DYNC1I1: variants seen among roughly 807,000 people sequenced by gnomAD.
DYNC1I1 encodes the protein dynein cytoplasmic 1 intermediate chain 1, also known as cytoplasmic dynein 1 intermediate chain 1.
A neutral mutation model predicts 86.6 loss-of-function variants in DYNC1I1; 43 were observed. The ratio of observed to expected loss-of-function variants is 0.50; its 90% CI spans 0.39 to 0.64. The LOEUF is 0.64. Ranked by LOEUF, DYNC1I1 falls within the 30% of genes least tolerant of loss-of-function variation. The probability of loss-of-function intolerance (pLI) is 0.00; values close to 1 mark genes in which losing one functional copy is unlikely to be tolerated. For synonymous variants in DYNC1I1, 262 were observed against 283.7 expected (o/e 0.92, Z 0.77); for missense variants, 604 against 788.8 (o/e 0.77, Z 2.81).
chr7:95,939,714 T>C (rs867685041), intron 6 of DYNC1I1, among the ~76,000 whole-genome samples: 5 of 152,168 alleles, frequency 3.3e-5, no homozygotes, highest in Middle Eastern at 3.4e-3. Flanking sequence ...ATGGGTTTCC[T>C]GAATACAGCA....
At chr7:95,932,897 A>G in intron 6 of DYNC1I1, among the ~76,000 whole-genome samples, 1 of 88,652 alleles carries the variant, frequency 1.1e-5, no homozygotes, top group Admixed American at 1.3e-4. Flanking sequence ...TTTTTTTTTG[A>G]GATGACAATG....
At chr7:95,813,129 C>G in intron 3 of DYNC1I1, 118 bp from the exon 4 acceptor site, 1 of 1,518,202 alleles carries the variant, frequency 6.6e-7, no homozygotes, top group Non-Finnish European at 8.9e-7. Context: ...CTCAATGTCT[C>G]CTGGCCATAC....
chr7:95,804,787 C>A lies in DYNC1I1; in HGVS notation c.58C>A (p.Gln20Lys), dbSNP rs1399566810. Residue 20 changes from glutamine to lysine, a missense_variant, in exon 2 of 17, where the codon CAG (glutamine) becomes AAG (lysine). Transcript: ENST00000447467. ...ELERKKQRLA[Q>K]IREEKKRKEE... is the part of the protein sequence containing the mutation. ...AGAGCGCAAAAAGCAGCGCTTAGCA[C>A]AGATAAGAGAAGAGAAGAAACGGAA... is the stretch of plus-strand genomic sequence containing the variant. 1 of 1,586,818 alleles carries A rather than the reference C, an allele frequency of 6.3e-7. No individual in the cohort carries two copies. The highest frequency in any genetic ancestry group is 8.6e-7 in the Non-Finnish European group (1 of 1,165,106).
chr7:95,774,082 G>A (rs1793778587), intron 1 of DYNC1I1, among the ~76,000 whole-genome samples: 1 of 152,156 alleles, frequency 6.6e-6, no homozygotes, highest in East Asian at 1.9e-4. Flanking sequence ...CTGCCACTGA[G>A]TTACCACATG....
intron 6 of DYNC1I1, among the ~76,000 whole-genome samples, chr7:95,924,050 A>G (rs1791678851): frequency 6.6e-6 from 1 of 151,558 alleles, no homozygotes; most frequent in Non-Finnish European, 1.5e-5. Flanking sequence ...ATTATTGAGA[A>G]CAGTTTTCCC....
chr7:95,987,002 G>A (rs1584228022), intron 8 of DYNC1I1, 54 bp from the exon 9 acceptor site: 3 of 1,518,174 alleles, frequency 2.0e-6, no homozygotes, highest in East Asian at 4.5e-5. Context: ...GCTTCTATAT[G>A]AGCAGCATAG....
chr7:95,935,564 A>G (rs1792017284), intron 6 of DYNC1I1, among the ~76,000 whole-genome samples: 2 of 152,050 alleles, frequency 1.3e-5, no homozygotes, highest in Admixed American at 1.3e-4. Flanking sequence ...TATTTTCCAT[A>G]GAGACTGCAA....
intron 14 of DYNC1I1, among the ~76,000 whole-genome samples, chr7:96,051,803 T>G (rs1003105965): frequency 6.6e-6 from 1 of 152,214 alleles, no homozygotes; most frequent in African/African-American, 2.4e-5. Flanking sequence ...TGTTAGCTAC[T>G]AGAAAAGAAT....
intron 14 of DYNC1I1, among the ~76,000 whole-genome samples, chr7:96,059,188 A>G (rs764919207): frequency 3.9e-5 from 6 of 152,150 alleles, no homozygotes; most frequent in Admixed American, 2.6e-4. Flanking sequence ...CCAATAGCTC[A>G]TGCCTGAAGG....
intron 6 of DYNC1I1, among the ~76,000 whole-genome samples, chr7:95,922,996 A>G (rs1235323999): frequency 6.6e-6 from 1 of 152,144 alleles, no homozygotes; most frequent in African/African-American, 2.4e-5. Flanking sequence ...TGCATTTTTA[A>G]TTCAAATTAA....
chr7:96,012,533 G>T (rs1186734213), intron 10 of DYNC1I1, among the ~76,000 whole-genome samples: 3 of 152,110 alleles, frequency 2.0e-5, no homozygotes, highest in African/African-American at 7.2e-5. Flanking sequence ...TATTCTATCA[G>T]GTGAAAGAAA....
At chr7:96,091,664 A>T (rs1215795590) in intron 16 of DYNC1I1, among the ~76,000 whole-genome samples, 1 of 152,224 alleles carries the variant, frequency 6.6e-6, no homozygotes, top group Non-Finnish European at 1.5e-5. Flanking sequence ...GCAGCTATTT[A>T]AAATTATTAT....
chr7:96,091,930 T>TA (rs1026602017), intron 16 of DYNC1I1, among the ~76,000 whole-genome samples: 2 of 152,052 alleles, frequency 1.3e-5, no homozygotes, highest in African/African-American at 4.8e-5. Flanking sequence ...ATGTGAAAAA[T>TA]AAAAAATATG....
intron 9 of DYNC1I1, among the ~76,000 whole-genome samples, chr7:95,995,035 C>T (rs1793825612): frequency 6.6e-6 from 1 of 152,026 alleles, no homozygotes; most frequent in Non-Finnish European, 1.5e-5. Context: ...ATCACGAGGT[C>T]AGGAGATCGA....
intron 6 of DYNC1I1, among the ~76,000 whole-genome samples, chr7:95,905,102 A>G (rs894759575): frequency 1.3e-5 from 2 of 152,292 alleles, no homozygotes; most frequent in Non-Finnish European, 1.5e-5. Context: ...ACCCTTATTT[A>G]AAGTGTTGTT....
chr7:95,848,577 G>A (rs1424123445), intron 5 of DYNC1I1, among the ~76,000 whole-genome samples: 4 of 151,948 alleles, frequency 2.6e-5, no homozygotes, highest in African/African-American at 9.7e-5. Flanking sequence ...CTTTATTATG[G>A]CTGAATAGTA....
chr7:95,878,951 G>GAAAA (rs35720595), intron 6 of DYNC1I1, among the ~76,000 whole-genome samples: 1 of 142,130 alleles, frequency 7.0e-6, no homozygotes, highest in African/African-American at 2.6e-5. Context: ...AAGAAAAGAA[G>GAAAA]AAAAAAAAAA....
chr7:96,101,425 A>C (rs1157492488), downstream of DYNC1I1, among the ~76,000 whole-genome samples: 3 of 152,140 alleles, frequency 2.0e-5, no homozygotes, highest in Non-Finnish European at 4.4e-5. Context: ...GAGGGAGGAC[A>C]CCAGGAGGGA....
At chr7:95,789,028 G>GT (rs776456018) in intron 1 of DYNC1I1, among the ~76,000 whole-genome samples, 7 of 152,062 alleles carry the variant, frequency 4.6e-5, no homozygotes, top group Non-Finnish European at 8.8e-5. Flanking sequence ...TTCACTCAAA[G>GT]TGACAGATGG....
Sources: allele counts gnomAD v4.1 joint callset (sites outside exome capture counted in the v4.1 genomes callset), GRCh38; gene constraint gnomAD v4.1.1; transcripts MANE v1.5; gene names NCBI Gene and HGNC (gene_info 2026-07-23, HGNC 2026-07-21).